Variants in LMX1A observed in about 807,000 individuals in gnomAD.
The protein encoded by LMX1A is LIM homeobox transcription factor 1 alpha, also known as LIM homeobox transcription factor 1-alpha.
A neutral mutation model predicts 49.1 loss-of-function variants in LMX1A; 15 were observed. The observed-to-expected ratio is 0.31, with a 90% CI of 0.20 to 0.47. The LOEUF (loss-of-function observed/expected upper bound fraction) is 0.47, where lower values mean the gene tolerates loss of function less well. LMX1A is among the 20% of genes least tolerant of loss of function. LMX1A has a pLI of 1.00. For synonymous variants in LMX1A, 167 were observed against 185.7 expected (o/e 0.90, Z 0.82); for missense variants, 372 against 475.8 (o/e 0.78, Z 2.03).
At chr1:165,348,231 C>G (rs530781214) in intron 3 of LMX1A, among the ~76,000 whole-genome samples, 1 of 152,150 alleles carries the variant, frequency 6.6e-6, no homozygotes, top group Admixed American at 6.5e-5. Flanking sequence ...CATAAGCCTA[C>G]TGTAAAAAGG....
intron 3 of LMX1A, among the ~76,000 whole-genome samples, chr1:165,277,960 T>C (rs1013140938): frequency 2.2e-4 from 33 of 152,202 alleles, no homozygotes; most frequent in Non-Finnish European, 1.5e-5. Flanking sequence ...TGAGAATAAC[T>C]ATAGTTGTAA....
chr1:165,211,935 A>C (rs1259272756), intron 5 of LMX1A, among the ~76,000 whole-genome samples: 1 of 152,162 alleles, frequency 6.6e-6, no homozygotes, highest in Non-Finnish European at 1.5e-5. Flanking sequence ...GGTTACCTGG[A>C]AGCTGCCCGG....
chr1:165,328,252 A>C (rs1655644614), intron 3 of LMX1A, among the ~76,000 whole-genome samples: 1 of 152,210 alleles, frequency 6.6e-6, no homozygotes, highest in Non-Finnish European at 1.5e-5. Flanking sequence ...CACAGTGTTC[A>C]CTCATCTAGA....
intron 4 of LMX1A, among the ~76,000 whole-genome samples, chr1:165,221,954 C>T (rs1410394888): frequency 6.6e-6 from 1 of 151,914 alleles, no homozygotes; most frequent in Non-Finnish European, 1.5e-5. Context: ...CGCACACGCA[C>T]ACACACACGC....
chr1:165,313,634 C>T (rs948145441), intron 3 of LMX1A, among the ~76,000 whole-genome samples: 2 of 151,930 alleles, frequency 1.3e-5, no homozygotes, highest in African/African-American at 4.8e-5. Context: ...CAGCCCTAGG[C>T]CTGAAGGGAG....
At chr1:165,217,573 C>T (rs1403253788) in intron 4 of LMX1A, among the ~76,000 whole-genome samples, 1 of 152,232 alleles carries the variant, frequency 6.6e-6, no homozygotes, top group Non-Finnish European at 1.5e-5. Context: ...AGGACCCCTG[C>T]ATATACTCAA....
At chr1:165,207,658 C>T (rs1006873805) in intron 7 of LMX1A, 1 of 174,646 alleles carries the variant, frequency 5.7e-6, no homozygotes, top group African/African-American at 2.4e-5. Context: ...ATTTTACTAT[C>T]ATTATTTTTA....
intron 4 of LMX1A, among the ~76,000 whole-genome samples, chr1:165,242,040 A>G (rs1196443226): frequency 2.0e-5 from 3 of 152,228 alleles, no homozygotes; most frequent in African/African-American, 7.2e-5. Flanking sequence ...GGTGAGAAGA[A>G]AAGTTACACT....
intron 3 of LMX1A, among the ~76,000 whole-genome samples, chr1:165,311,413 C>T (rs1358727964): frequency 6.6e-6 from 1 of 152,198 alleles, no homozygotes; most frequent in African/African-American, 2.4e-5. Flanking sequence ...GTTCCCAAGC[C>T]CATTCTACTT....
At position 165,354,569 on chromosome 1, in the gene LMX1A, ATTTCG is replaced by A. The variant is rs567503188; in HGVS notation, c.76+910_76+914del. On this transcript the variant is annotated intron_variant, in intron 2 of 8. Transcript: ENST00000342310. ...CAAAGAGGGGCGCTCAGTGCACGTG[ATTTCG>A]TTTCATCTAGGGTGTTGGGGGTGGG... is the stretch of plus-strand genomic sequence containing the variant. Among the ~76,000 whole-genome samples the A allele has an allele frequency of 2.0e-5, 3 of 152,038 alleles. No individual in the cohort carries two copies. The South Asian group carries it at 6.2e-4, about 32-fold the overall frequency.
chr1:165,355,401 A>C lies in LMX1A; in HGVS notation c.76+83T>G. On this transcript the variant is annotated intron_variant, in intron 2 of 8. Coordinates refer to ENST00000342310, the MANE Select transcript of LMX1A (RefSeq NM_177398.4). This position sits in a 1 kb window ranked among gnomAD's most constrained non-coding sequence, Gnocchi z 4.7. ...AGGGGCGCTAGCTTCCCTATCGCGGACCAGGTCCCAGAGAGCGGGGCTCCA... is the reference window on the plus strand; with the variant it reads ...AGGGGCGCTAGCTTCCCTATCGCGGCCCAGGTCCCAGAGAGCGGGGCTCCA... 7.4e-7 allele frequency: 1 copy of C among 1,357,714 alleles called. No individual in the cohort carries two copies. Among genetic ancestry groups the C allele is most frequent in the Non-Finnish European group, 1.0e-6 (1 of 960,148 alleles). The allele number at this position is 1,357,714 out of a possible 1,614,324, so 84.1% of individuals were successfully genotyped here.
At chr1:165,346,375 G>A (rs1309884061) in intron 3 of LMX1A, among the ~76,000 whole-genome samples, 2 of 152,224 alleles carry the variant, frequency 1.3e-5, no homozygotes, top group Non-Finnish European at 2.9e-5. Context: ...ACTTCAGTTA[G>A]AGGACTAGGA....
rs1381504938 is a variant in LMX1A at position 165,202,674 on chromosome 1, C to G, written c.*1206G>C. The G allele has an allele frequency of 6.6e-6, 1 of 152,216 alleles. No individual in the cohort carries two copies. Among genetic ancestry groups the G allele is most frequent in the Non-Finnish European group, 1.5e-5 (1 of 68,116 alleles). The allele number at this position is 152,216 out of a possible 1,614,324, so 9.4% of individuals were successfully genotyped here. On this transcript the variant is annotated 3_prime_UTR_variant, in exon 9 of 9. Transcript: ENST00000342310. ...GTTTGCCCAACCCTGCTCTAGAACA[C>G]CACCAGGCCCTCCTCTATCCCCTCA...
At position 165,205,895 on chromosome 1, in the gene LMX1A, G is replaced by C. The variant is rs374428255; in HGVS notation, c.957C>G (p.Pro319=). Residue 319 remains proline, a synonymous_variant, in exon 8 of 9, where the codon CCC becomes CCG. Transcript: ENST00000342310. ...GGTGCATGTGGTCTCCAGGCATCTG[G>C]GGTGGGGTGAGACCCTGTCGGAAGG... ...SDPFRQGLTP[P]QMPGDHMHPY... The C allele has an allele frequency of 7.4e-6, 12 of 1,614,068 alleles. No homozygotes were observed. The highest frequency in any genetic ancestry group is 1.3e-5 in the African/African-American group (1 of 75,012).
At chr1:165,277,955 A>C (rs898751245) in intron 3 of LMX1A, among the ~76,000 whole-genome samples, 1 of 152,238 alleles carries the variant, frequency 6.6e-6, no homozygotes, top group Non-Finnish European at 1.5e-5. Flanking sequence ...ACTTTTGAGA[A>C]TAACTATAGT....
chr1:165,257,812 C>T (rs1026191957), intron 3 of LMX1A, among the ~76,000 whole-genome samples: 84 of 152,300 alleles, frequency 5.5e-4, no homozygotes, highest in Non-Finnish European at 1.3e-4. Context: ...AAGAGCTTCT[C>T]AAAGCCTCCA....
At chr1:165,223,634 C>G (rs931415940) in intron 4 of LMX1A, among the ~76,000 whole-genome samples, 14 of 152,212 alleles carry the variant, frequency 9.2e-5, no homozygotes, top group Non-Finnish European at 2.1e-4. Flanking sequence ...CCTCCCTCAG[C>G]TCCTGTCCAT....
chr1:165,221,951 G>GCACACA (rs1384715927), intron 4 of LMX1A, among the ~76,000 whole-genome samples: 10 of 133,058 alleles, frequency 7.5e-5, no homozygotes, highest in African/African-American at 2.5e-4. Flanking sequence ...ACACGCACAC[G>GCACACA]CACACACACA....
chr1:165,313,556 G>C (rs1159970181), intron 3 of LMX1A, among the ~76,000 whole-genome samples: 1 of 150,744 alleles, frequency 6.6e-6, no homozygotes, highest in African/African-American at 2.4e-5. Flanking sequence ...AAAGGTGTGG[G>C]CAGGGCTTAA....
Sources: allele counts gnomAD v4.1 joint callset (sites outside exome capture counted in the v4.1 genomes callset), GRCh38; gene constraint gnomAD v4.1.1; non-coding constraint Gnocchi (gnomAD v3.1); transcripts MANE v1.5; gene names NCBI Gene and HGNC (gene_info 2026-07-23, HGNC 2026-07-21).